HNRNPD: variants seen among roughly 807,000 people sequenced by gnomAD.
The protein encoded by HNRNPD is heterogeneous nuclear ribonucleoprotein D0.
In HNRNPD, 3 loss-of-function variants were observed where a neutral mutation model predicts 47.9. The ratio of observed to expected loss-of-function variants is 0.06; its 90% CI spans 0.03 to 0.16. The LOEUF is 0.16. Among genes scored for constraint, HNRNPD ranks in the 10% least tolerant of loss-of-function variants. The pLI is 1.00. For missense variants in HNRNPD, 287 were observed against 454.2 expected, an observed-to-expected ratio of 0.63 and a Z score of 3.35; for synonymous variants, 171 against 165.1, an observed-to-expected ratio of 1.04 and a Z score of -0.28.
chr4:82,355,421 A>G lies in HNRNPD; in HGVS notation c.1001-20T>C. On this transcript the variant is annotated intron_variant, in intron 7 of 8. Coordinates refer to ENST00000313899, the MANE Select transcript of HNRNPD (RefSeq NM_031370.3). ...GCTGGTCTAAAATAAAACAAGTGTT[A>G]GAACCAGAACGGTAGTGGTTACATA... 6.3e-7 allele frequency: 1 copy of G among 1,581,408 alleles called. No homozygotes were observed. The highest frequency in any genetic ancestry group is 8.7e-7 in the Non-Finnish European group (1 of 1,150,440).
chr4:82,369,602 T>C (rs927706680), intron 2 of HNRNPD, among the ~76,000 whole-genome samples: 6 of 151,682 alleles, frequency 4.0e-5, no homozygotes, highest in Non-Finnish European at 8.8e-5. Context: ...ACCCTCAATA[T>C]TGAGACTATA....
chr4:82,363,950 T>C (rs1385771107), intron 2 of HNRNPD, among the ~76,000 whole-genome samples: 1 of 152,144 alleles, frequency 6.6e-6, no homozygotes, highest in Non-Finnish European at 1.5e-5. Flanking sequence ...TTAGAGGCAA[T>C]AAAGACAAAA....
intron 2 of HNRNPD, among the ~76,000 whole-genome samples, chr4:82,367,501 T>G (rs1719826180): frequency 6.6e-6 from 1 of 152,212 alleles, no homozygotes; most frequent in African/African-American, 2.4e-5. Flanking sequence ...TGTAGGAGAT[T>G]CATTCCATGA....
At chr4:82,361,342 T>G (rs1023895556) in intron 2 of HNRNPD, among the ~76,000 whole-genome samples, 5 of 152,228 alleles carry the variant, frequency 3.3e-5, no homozygotes, top group African/African-American at 1.2e-4. Flanking sequence ...ACTATATTTT[T>G]AATGAGAAAG....
rs1298779432 is a variant in HNRNPD, at chr4:82,353,925, CT to C, written c.*259del. 1 of 152,566 alleles carries C rather than the reference CT, an allele frequency of 6.6e-6. No homozygotes were observed. Among genetic ancestry groups the C allele is most frequent in the African/African-American group, 2.4e-5 (1 of 41,428 alleles). The allele number at this position is 152,566 out of a possible 1,614,324, so 9.5% of individuals were successfully genotyped here. A position where few individuals can be genotyped will look rare whatever the true frequency, so the allele number is the denominator to read the frequency against. On this transcript the variant is annotated 3_prime_UTR_variant, in exon 9 of 9. Coordinates refer to ENST00000313899, the MANE Select transcript of HNRNPD (RefSeq NM_031370.3). ...TTAACACAAGACTTGCTCTACAATA[CT>C]GGGGGAAAGGGCATAAAACACAAAT...
chr4:82,373,382 G>T lies in HNRNPD; in HGVS notation c.233+64C>A, dbSNP rs1219196725. 9 of 1,518,844 alleles carry T rather than the reference G, an allele frequency of 5.9e-6. No homozygotes were observed. The African/African-American group carries it at 8.3e-5, about 14-fold the overall frequency. The allele number at this position is 1,518,844 out of a possible 1,614,324, so 94.1% of individuals were successfully genotyped here. A position where few individuals can be genotyped will look rare whatever the true frequency, so the allele number is the denominator to read the frequency against. On this transcript the variant is annotated intron_variant, in intron 1 of 8. Transcript: ENST00000313899. ...GAGAGCGGGAACCAGGCCTAATGGC[G>T]GGGGAATAAAGAGGGGGAGGGGGAC...
intron 2 of HNRNPD, among the ~76,000 whole-genome samples, chr4:82,364,071 G>C (rs1318737420): frequency 2.6e-5 from 4 of 151,976 alleles, no homozygotes; most frequent in Non-Finnish European, 5.9e-5. Flanking sequence ...TGACCTCCTG[G>C]GCTCAGTTGG....
At chr4:82,355,549 A>G (rs1311729806) in intron 7 of HNRNPD, 148 bp from the exon 8 acceptor site, 1 of 627,622 alleles carries the variant, frequency 1.6e-6, no homozygotes, top group South Asian at 2.0e-5. Context: ...TTTATCAAAT[A>G]ATTTACCAAA....
intron 2 of HNRNPD, among the ~76,000 whole-genome samples, chr4:82,362,380 C>CT (rs1384998088): frequency 6.6e-6 from 1 of 151,994 alleles, no homozygotes; most frequent in Non-Finnish European, 1.5e-5. Flanking sequence ...AGTGGCTCGT[C>CT]TTTGAGACAA....
chr4:82,356,999 A>G, intron 5 of HNRNPD, 104 bp from the exon 6 acceptor site: 3 of 984,298 alleles, frequency 3.0e-6, no homozygotes, highest in Non-Finnish European at 4.8e-6. Flanking sequence ...AGAGTAGGCT[A>G]ATTTGAAACT....
At chr4:82,355,254 A>T in intron 8 of HNRNPD, 50 bp downstream of exon 8, 1 of 997,242 alleles carries the variant, frequency 1.0e-6, no homozygotes, top group Non-Finnish European at 1.6e-6. Flanking sequence ...AATATAGATT[A>T]TAAAAACTAC....
chr4:82,371,237 G>A (rs891480484), intron 2 of HNRNPD, among the ~76,000 whole-genome samples: 4 of 152,104 alleles, frequency 2.6e-5, no homozygotes, highest in Admixed American at 1.3e-4. Context: ...GAAGATTACG[G>A]TAATATTTTT....
At chr4:82,362,512 T>C (rs113727811) in intron 2 of HNRNPD, among the ~76,000 whole-genome samples, 3 of 151,988 alleles carry the variant, frequency 2.0e-5, no homozygotes, top group South Asian at 4.1e-4. Context: ...GCTGACCAAA[T>C]AGGTGAATAT....
Position 82,358,826 on chromosome 4 carries a change from G to T in HNRNPD, c.460-6C>A. The T allele has an allele frequency of 6.4e-7, 1 of 1,574,648 alleles. No homozygotes were observed. The highest frequency in any genetic ancestry group is 8.6e-7 in the Non-Finnish European group (1 of 1,164,564). On this transcript the variant is annotated splice_polypyrimidine_tract_variant and splice_region_variant and intron_variant, in intron 3 of 8. Coordinates refer to ENST00000313899, the MANE Select transcript of HNRNPD (RefSeq NM_031370.3). Reference sequence around the variant, plus strand: ...TGTTCTTTTTGATCCATGACCTAAGGAAATTGAAGTTTTCATTTAAAAAAT... The same window carrying T: ...TGTTCTTTTTGATCCATGACCTAAGTAAATTGAAGTTTTCATTTAAAAAAT...
chr4:82,358,458 A>C, intron 4 of HNRNPD: 1 of 522,408 alleles, frequency 1.9e-6, no homozygotes, highest in Non-Finnish European at 3.4e-6. Context: ...TACTCTGCAT[A>C]GAGTAGGTGC....
chr4:82,364,250 AACC>A (rs1719634031), intron 2 of HNRNPD, among the ~76,000 whole-genome samples: 1 of 152,194 alleles, frequency 6.6e-6, no homozygotes, highest in Non-Finnish European at 1.5e-5. Context: ...TCCAAACATG[AACC>A]ACTCCACCTG....
intron 1 of HNRNPD, chr4:82,373,005 G>A (rs946141419): frequency 7.9e-6 from 3 of 379,462 alleles, no homozygotes; most frequent in East Asian, 7.3e-5. Flanking sequence ...TGGTGGAGAA[G>A]CACCAAATAA....
intron 3 of HNRNPD, 45 bp from the exon 4 acceptor site, chr4:82,358,865 G>T: frequency 2.3e-6 from 3 of 1,329,760 alleles, no homozygotes; most frequent in Non-Finnish European, 3.1e-6. Context: ...TATCTTAACT[G>T]AAGTTCAGAG....
intron 3 of HNRNPD, 115 bp from the exon 4 acceptor site, chr4:82,358,935 G>A: frequency 1.3e-6 from 1 of 764,286 alleles, no homozygotes; most frequent in Non-Finnish European, 2.1e-6. Context: ...ATGTTGACTT[G>A]CTCAAGATTA....
Sources: gnomAD v4.1 joint callset for allele counts (sites outside exome capture counted in the v4.1 genomes callset) on GRCh38, gnomAD v4.1.1 for gene constraint, MANE v1.5 for transcripts, NCBI Gene and HGNC (gene_info 2026-07-23, HGNC 2026-07-21) for gene names.